The following TECRL variants were observed in gnomAD, a reference collection of about 807,000 sequenced individuals.
The protein encoded by TECRL is trans-2,3-enoyl-CoA reductase like.
TECRL carries 63 observed loss-of-function variants against 52.8 expected under a neutral mutation model. That is an observed-to-expected ratio of 1.19 (90% CI 0.97 to 1.47). The LOEUF (loss-of-function observed/expected upper bound fraction) is 1.47, where lower values mean the gene tolerates loss of function less well. Ranked by LOEUF, TECRL falls within the 40% of genes most tolerant of loss-of-function variation. The pLI, the probability that TECRL is intolerant of heterozygous loss-of-function variation, is 0.00. For missense variants in TECRL, 482 were observed against 429.6 expected (o/e 1.12, Z -1.08); for synonymous variants, 164 against 141.9 (o/e 1.16, Z -1.10).
chr4:64,384,272 G>T (rs1273577905), intron 1 of TECRL, among the ~76,000 whole-genome samples: 2 of 152,006 alleles, frequency 1.3e-5, no homozygotes, highest in South Asian at 2.1e-4. Context: ...GGGTACTCAG[G>T]CCTCTTGCTT....
intron 2 of TECRL, among the ~76,000 whole-genome samples, chr4:64,357,222 C>T (rs969902826): frequency 2.0e-5 from 3 of 151,818 alleles, no homozygotes; most frequent in African/African-American, 7.2e-5. Flanking sequence ...AAACAGTACT[C>T]ATTAAAATAA....
intron 1 of TECRL, among the ~76,000 whole-genome samples, chr4:64,382,383 T>G (rs1294220541): frequency 6.7e-6 from 1 of 148,330 alleles, no homozygotes; most frequent in Non-Finnish European, 1.5e-5. Flanking sequence ...ACACACTATA[T>G]AGTGTTGTTA....
At chr4:64,303,244 A>C (rs1443960165) in intron 7 of TECRL, among the ~76,000 whole-genome samples, 2 of 151,612 alleles carry the variant, frequency 1.3e-5, no homozygotes, top group Non-Finnish European at 3.0e-5. Context: ...TTTACAGAAA[A>C]AAAACAATAA....
intron 8 of TECRL, among the ~76,000 whole-genome samples, chr4:64,291,089 CA>C (rs1175386375): frequency 6.6e-6 from 1 of 152,034 alleles, no homozygotes; most frequent in Non-Finnish European, 1.5e-5. Context: ...TCACATGCCA[CA>C]TATTTAATTT....
rs199543588 is a variant in TECRL, at chr4:64,374,468, T to A, written c.286+704A>T. ...GGTACATGTGCACAATGTGCAGGTT[T>A]GTTACATATGTATACATGTGCCATG... On this transcript the variant is annotated intron_variant, in intron 2 of 11. Transcript: ENST00000381210. 9.9e-5 allele frequency among the ~76,000 whole-genome samples: 15 copies of A among 152,040 alleles called. No homozygotes were observed. In the East Asian group the frequency reaches 2.9e-3, roughly 29 times the overall value.
chr4:64,295,943 G>C (rs1016499234), intron 8 of TECRL, among the ~76,000 whole-genome samples: 27 of 151,896 alleles, frequency 1.8e-4, no homozygotes, highest in African/African-American at 6.0e-4. Context: ...ATTGATTCCT[G>C]TGTATGTTAT....
chr4:64,393,367 G>A (rs953344431), intron 1 of TECRL, among the ~76,000 whole-genome samples: 3 of 151,928 alleles, frequency 2.0e-5, no homozygotes, highest in Non-Finnish European at 2.9e-5. Flanking sequence ...TGACTGCAAA[G>A]GGGGGGAACA....
intron 6 of TECRL, among the ~76,000 whole-genome samples, chr4:64,309,126 A>C (rs1489119467): frequency 6.6e-6 from 1 of 152,172 alleles, no homozygotes; most frequent in Non-Finnish European, 1.5e-5. Context: ...ATAACTTCTG[A>C]GGTCTCAGAA....
intron 8 of TECRL, among the ~76,000 whole-genome samples, chr4:64,294,733 T>C (rs372972456): frequency 3.3e-5 from 5 of 152,120 alleles, no homozygotes; most frequent in African/African-American, 1.2e-4. Context: ...GTTTGTTTAG[T>C]TTCAGTTATT....
chr4:64,309,565 G>A (rs1724545184), intron 6 of TECRL, among the ~76,000 whole-genome samples: 1 of 152,030 alleles, frequency 6.6e-6, no homozygotes, highest in Admixed American at 6.6e-5. Context: ...TCAGTGCTTA[G>A]TATTACCAAA....
intron 4 of TECRL, among the ~76,000 whole-genome samples, chr4:64,318,709 AT>A: frequency 6.6e-6 from 1 of 152,126 alleles, no homozygotes; most frequent in Admixed American, 6.5e-5. Context: ...ACATAAACTT[AT>A]TTTTATGTAA....
rs973031798 is a variant in TECRL at position 64,313,116 on chromosome 4, C to G, written c.551+1532G>C. 1.4e-4 allele frequency among the ~76,000 whole-genome samples: 22 copies of G among 152,180 alleles called. No individual in the cohort carries two copies. The East Asian group carries it at 3.3e-3, about 23-fold the overall frequency. ...AGAACGAACTAACACAGTAGCTAATCAGGACAAGAAAGGAGGTCAGTGTGG... is the reference window on the plus strand; with the variant it reads ...AGAACGAACTAACACAGTAGCTAATGAGGACAAGAAAGGAGGTCAGTGTGG... On this transcript the variant is annotated intron_variant, in intron 5 of 11. Coordinates refer to ENST00000381210, the MANE Select transcript of TECRL (RefSeq NM_001010874.5).
chr4:64,372,248 C>T (rs1376152717), intron 2 of TECRL, among the ~76,000 whole-genome samples: 1 of 151,688 alleles, frequency 6.6e-6, no homozygotes, highest in Non-Finnish European at 1.5e-5. Flanking sequence ...TAAAGAAAGA[C>T]CAACTGAGGA....
intron 1 of TECRL, among the ~76,000 whole-genome samples, chr4:64,390,525 G>A (rs1314375987): frequency 6.6e-6 from 1 of 151,794 alleles, no homozygotes; most frequent in East Asian, 1.9e-4. Flanking sequence ...AATTTAATCT[G>A]CTCCATAATG....
chr4:64,292,454 C>G (rs1012971954), intron 8 of TECRL, among the ~76,000 whole-genome samples: 1 of 151,572 alleles, frequency 6.6e-6, no homozygotes, highest in Non-Finnish European at 1.5e-5. Flanking sequence ...CACATAGTAA[C>G]GTAATAAAAA....
chr4:64,348,634 C>A (rs980701043), intron 2 of TECRL, among the ~76,000 whole-genome samples: 19 of 152,302 alleles, frequency 1.2e-4, no homozygotes, highest in Middle Eastern at 3.4e-3. Context: ...TCAAAGTGGT[C>A]TGTACCCCAC....
chr4:64,378,227 G>T lies in TECRL; in HGVS notation c.235-3004C>A, dbSNP rs191512391. 3.9e-5 allele frequency among the ~76,000 whole-genome samples: 6 copies of T among 152,090 alleles called. No homozygotes were observed. In the East Asian group the frequency reaches 1.2e-3, roughly 29 times the overall value. ...GCCGAAAGAATCACATGTTAAGCTTGATTAATTCAGGAAAATGGAAAAAAA... is the reference window on the plus strand; with the variant it reads ...GCCGAAAGAATCACATGTTAAGCTTTATTAATTCAGGAAAATGGAAAAAAA... On this transcript the variant is annotated intron_variant, in intron 1 of 11. Transcript: ENST00000381210.
At chr4:64,405,351 G>C (rs879298745) in intron 1 of TECRL, among the ~76,000 whole-genome samples, 5 of 152,138 alleles carry the variant, frequency 3.3e-5, no homozygotes, top group African/African-American at 9.7e-5. Context: ...AGTGCTAGAA[G>C]TAGAAGGGTT....
chr4:64,400,991 G>A (rs1216942913), intron 1 of TECRL, among the ~76,000 whole-genome samples: 1 of 152,174 alleles, frequency 6.6e-6, no homozygotes, highest in African/African-American at 2.4e-5. Context: ...CTGGATAAGT[G>A]TGTGAGGTGG....
Sources: allele counts gnomAD v4.1 joint callset (sites outside exome capture counted in the v4.1 genomes callset), GRCh38; gene constraint gnomAD v4.1.1; transcripts MANE v1.5; gene names NCBI Gene and HGNC (gene_info 2026-07-23, HGNC 2026-07-21).